Variants in GRAMD1C observed in about 807,000 individuals in gnomAD.
The protein encoded by GRAMD1C is protein Aster-C.
A neutral mutation model predicts 97.8 loss-of-function variants in GRAMD1C; 89 were observed. The ratio of observed to expected loss-of-function variants is 0.91; its 90% CI spans 0.77 to 1.09. The LOEUF (loss-of-function observed/expected upper bound fraction) is 1.09, where lower values mean the gene tolerates loss of function less well. Ranked by LOEUF, GRAMD1C falls within the 50% of genes least tolerant of loss-of-function variation. The pLI is 0.00. For synonymous variants in GRAMD1C, 256 were observed against 267.0 expected (o/e 0.96, Z 0.40); for missense variants, 740 against 766.4 (o/e 0.97, Z 0.41).
At chr3:113,840,088 TCC>T (rs1709742898) in intron 1 of GRAMD1C, among the ~76,000 whole-genome samples, 1 of 151,976 alleles carries the variant, frequency 6.6e-6, no homozygotes, top group Non-Finnish European at 1.5e-5. Context: ...TGCCTCAGAC[TCC>T]CCAGTAGCTG....
At chr3:113,942,041 G>A (rs117015754) in intron 17 of GRAMD1C, among the ~76,000 whole-genome samples, 1 of 151,168 alleles carries the variant, frequency 6.6e-6, no homozygotes, top group East Asian at 1.9e-4. Flanking sequence ...TCACCCTCCC[G>A]TAGCTGGAAC....
In GRAMD1C at chr3:113,939,646, C is replaced by T. The variant is rs77415114; in HGVS notation, c.1692-240C>T. Reference sequence around the variant, plus strand: ...CACAGATACCCCAAACCTGTGAGTTCGGATTATTCAAGGACTTGTATTGTC... The same window carrying T: ...CACAGATACCCCAAACCTGTGAGTTTGGATTATTCAAGGACTTGTATTGTC... On this transcript the variant is annotated intron_variant, in intron 15 of 17. Transcript: ENST00000358160. The T allele has an allele frequency of 3.3e-3, 1,144 of 350,348 alleles. 13 individuals are homozygous for T. Among genetic ancestry groups the T allele is most frequent in the African/African-American group, 0.023 (1,044 of 46,232 alleles). The allele number at this position is 350,348 out of a possible 1,614,324, so 21.7% of individuals were successfully genotyped here. A position where few individuals can be genotyped will look rare whatever the true frequency, so the allele number is the denominator to read the frequency against.
Position 113,829,511 on chromosome 3 carries a change from C to CAA in GRAMD1C, n.98+1241_98+1242dup, listed in dbSNP as rs112942843. On this transcript the variant is annotated intron_variant and non_coding_transcript_variant, in intron 1 of 18. Transcript: ENST00000479212. ...TTCTGTGTTTGCATTTGTGCAACTACAAAAAAAAAATGACACAACTGTGGA... is the reference window on the plus strand; with the variant it reads ...TTCTGTGTTTGCATTTGTGCAACTACAAAAAAAAAAAATGACACAACTGTGGA... 4.9e-3 allele frequency among the ~76,000 whole-genome samples: 730 copies of CAA among 147,618 alleles called. 7 individuals carry two copies. The highest frequency in any genetic ancestry group is 0.017 in the African/African-American group (695 of 40,524).
chr3:113,881,868 A>G (rs1262505260), intron 5 of GRAMD1C, among the ~76,000 whole-genome samples: 1 of 152,230 alleles, frequency 6.6e-6, no homozygotes, highest in Non-Finnish European at 1.5e-5. Flanking sequence ...TGAATAATGT[A>G]TAGCAAAGTT....
Position 113,915,744 on chromosome 3 carries a change from C to G in GRAMD1C, c.996C>G (p.Asn332Lys). 6.2e-7 allele frequency: 1 copy of G among 1,609,276 alleles called. No individual in the cohort carries two copies. The highest frequency in any genetic ancestry group is 8.5e-7 in the Non-Finnish European group (1 of 1,176,094). The change falls in exon 10 of 18, where the codon AAC (asparagine) becomes AAG (lysine). Residue 332 changes from asparagine to lysine, a missense_variant. Coordinates refer to ENST00000358160, the MANE Select transcript of GRAMD1C (RefSeq NM_017577.5). ...EKDLHGRLFINRIFHISADRM... is the reference protein window; with the variant it reads ...EKDLHGRLFIKRIFHISADRM... ...ATCTTCATGGAAGACTTTTTATCAA[C>G]CGTATTTTTCATATCAGTGCTGACA...
intron 3 of GRAMD1C, among the ~76,000 whole-genome samples, chr3:113,874,430 C>T (rs1398785389): frequency 6.6e-6 from 1 of 151,790 alleles, no homozygotes; most frequent in African/African-American, 2.4e-5. Flanking sequence ...CTCAGTGCAA[C>T]CATCACCTTC....
In GRAMD1C at chr3:113,933,664, G is replaced by A. The variant is rs201142310; in HGVS notation, c.1352+11G>A. 5.1e-6 allele frequency: 8 copies of A among 1,583,204 alleles called. No individual in the cohort carries two copies. In the South Asian group the frequency reaches 6.7e-5, roughly 13 times the overall value. On this transcript the variant is annotated intron_variant, in intron 12 of 17. Transcript: ENST00000358160. ...GAAATGCAGGCTAAGGTGAGCTGCT[G>A]TACATGAATGTGTTAGGATAGGCTA...
intron 2 of GRAMD1C, among the ~76,000 whole-genome samples, chr3:113,848,417 TAGTG>T (rs1342461267): frequency 6.6e-6 from 1 of 152,178 alleles, no homozygotes; most frequent in Non-Finnish European, 1.5e-5. Context: ...TGGCTGTTGA[TAGTG>T]AGCAATGGCT....
intron 3 of GRAMD1C, among the ~76,000 whole-genome samples, chr3:113,871,756 A>G (rs1287976276): frequency 6.7e-6 from 1 of 149,228 alleles, no homozygotes; most frequent in Non-Finnish European, 1.5e-5. Context: ...AAAAAAAAAA[A>G]AAAAAAAAAA....
chr3:113,924,000 A>C (rs182868221), intron 10 of GRAMD1C, among the ~76,000 whole-genome samples: 4 of 150,668 alleles, frequency 2.7e-5, no homozygotes, highest in African/African-American at 9.7e-5. Context: ...TCCTGGCTCA[A>C]TCTTGGGAGG....
chr3:113,848,264 A>T (rs1933703060), intron 2 of GRAMD1C, among the ~76,000 whole-genome samples: 1 of 152,076 alleles, frequency 6.6e-6, no homozygotes, highest in Non-Finnish European at 1.5e-5. Flanking sequence ...CAGTTACCTC[A>T]CCTATAAAAT....
chr3:113,890,106 C>A (rs1300262719), intron 6 of GRAMD1C, among the ~76,000 whole-genome samples: 6 of 152,150 alleles, frequency 3.9e-5, no homozygotes, highest in African/African-American at 1.4e-4. Context: ...TAAGCAGTGC[C>A]CAACTCAAAT....
intron 6 of GRAMD1C, among the ~76,000 whole-genome samples, chr3:113,899,798 T>A (rs1936089424): frequency 6.6e-6 from 1 of 152,192 alleles, no homozygotes; most frequent in African/African-American, 2.4e-5. Context: ...TTTGTTGTAT[T>A]TGATGATTTA....
At chr3:113,933,841 C>T (rs939276465) in intron 12 of GRAMD1C, among the ~76,000 whole-genome samples, 188 bp downstream of exon 12, 5 of 152,292 alleles carry the variant, frequency 3.3e-5, no homozygotes, top group East Asian at 1.9e-4. Context: ...CTTTGACACC[C>T]GGAGCTACGT....
At chr3:113,906,355 T>G (rs898130715) in intron 8 of GRAMD1C, among the ~76,000 whole-genome samples, 1 of 152,126 alleles carries the variant, frequency 6.6e-6, no homozygotes, top group African/African-American at 2.4e-5. Flanking sequence ...TCGTACAAAA[T>G]GTGAAGGTGG....
chr3:113,944,365 G>C (rs1937963258), intron 17 of GRAMD1C, among the ~76,000 whole-genome samples: 2 of 152,182 alleles, frequency 1.3e-5, no homozygotes, highest in South Asian at 4.1e-4. Flanking sequence ...GATTCAGTTT[G>C]AACGTGAATT....
chr3:113,877,884 T>C (rs1239335995), intron 5 of GRAMD1C, among the ~76,000 whole-genome samples: 1 of 152,034 alleles, frequency 6.6e-6, no homozygotes, highest in Non-Finnish European at 1.5e-5. Flanking sequence ...TTCAAGCGAT[T>C]CCCCTGCCTC....
chr3:113,850,241 T>A, intron 2 of GRAMD1C: 2 of 619,360 alleles, frequency 3.2e-6, no homozygotes, highest in Non-Finnish European at 6.1e-6. Context: ...CCAGTTTTAC[T>A]GAGGTGGCTG....
At chr3:113,917,274 A>G (rs1365172333) in intron 10 of GRAMD1C, among the ~76,000 whole-genome samples, 2 of 152,228 alleles carry the variant, frequency 1.3e-5, no homozygotes, top group South Asian at 2.1e-4. Context: ...AGATTCATAT[A>G]AAGTGAGTCA....
Sources: gnomAD v4.1 joint callset for allele counts (sites outside exome capture counted in the v4.1 genomes callset) on GRCh38, gnomAD v4.1.1 for gene constraint, MANE v1.5 for transcripts, NCBI Gene and HGNC (gene_info 2026-07-23, HGNC 2026-07-21) for gene names.